Variants in GCA observed in about 807,000 individuals in gnomAD.
The protein encoded by GCA is grancalcin, also known as grancalcin, EF-hand calcium-binding protein.
A neutral mutation model predicts 32.6 loss-of-function variants in GCA; 30 were observed. The ratio of observed to expected loss-of-function variants is 0.92; its 90% CI spans 0.69 to 1.25. GCA has a LOEUF of 1.25. Ranked by LOEUF, GCA falls within the 50% of genes most tolerant of loss-of-function variation. GCA has a pLI of 0.00. For synonymous variants in GCA, 102 were observed against 84.6 expected, an observed-to-expected ratio of 1.21 and a Z score of -1.13; for missense variants, 291 against 266.8, an observed-to-expected ratio of 1.09 and a Z score of -0.63.
At chr2:162,343,648 G>A (rs1053452124), upstream of GCA, among the ~76,000 whole-genome samples, 2 of 152,192 alleles carry the variant, frequency 1.3e-5, no homozygotes, top group African/African-American at 4.8e-5. Context: ...TGGACCACAG[G>A]TGTGGTCCTG....
intron 3 of GCA, 130 bp from the exon 4 acceptor site, chr2:162,356,308 C>CT (rs1355812652): frequency 1.5e-6 from 1 of 650,760 alleles, no homozygotes; most frequent in African/African-American, 1.8e-5. Context: ...TCAATAATAG[C>CT]TTGTTGATTG....
At chr2:162,375,324 G>A (rs1047225579), downstream of GCA, among the ~76,000 whole-genome samples, 12 of 152,260 alleles carry the variant, frequency 7.9e-5, no homozygotes, top group Admixed American at 6.5e-4. Flanking sequence ...AAAAATTATC[G>A]TGATGTTTTT....
At chr2:162,335,886 T>C (rs1231920681) in intron 1 of GCA, among the ~76,000 whole-genome samples, 20 of 152,192 alleles carry the variant, frequency 1.3e-4, no homozygotes. Context: ...TAGAACCAAT[T>C]AACCTAGTCT....
At chr2:162,351,219 C>T (rs1684982355) in intron 2 of GCA, among the ~76,000 whole-genome samples, 1 of 152,188 alleles carries the variant, frequency 6.6e-6, no homozygotes, top group Admixed American at 6.5e-5. Flanking sequence ...TGTATGCACA[C>T]TGCTTCTACT....
Position 162,361,039 on chromosome 2 carries a change from A to G in GCA, c.*796A>G, listed in dbSNP as rs1331454573. 1.0e-6 allele frequency: 1 copy of G among 992,820 alleles called. No homozygotes were observed. The highest frequency in any genetic ancestry group is 1.2e-6 in the Non-Finnish European group (1 of 819,764). 61.5% of individuals were successfully genotyped at this position (992,820 alleles called of 1,614,324 possible). Reference sequence around the variant, plus strand: ...TGTTTTTGATGATATGTCAACATTCAAAATTGTCCTAATTAAATTGTTGTT... The same window carrying G: ...TGTTTTTGATGATATGTCAACATTCGAAATTGTCCTAATTAAATTGTTGTT... On this transcript the variant is annotated 3_prime_UTR_variant, in exon 8 of 8. Transcript: ENST00000437150.
intron 4 of GCA, among the ~76,000 whole-genome samples, chr2:162,368,633 G>A (rs1226398684): frequency 6.6e-6 from 1 of 151,928 alleles, no homozygotes; most frequent in Non-Finnish European, 1.5e-5. Context: ...CCCTCCAAAA[G>A]GACCTTGTAA....
In GCA at chr2:162,347,673, A is replaced by G. The variant is rs771928406; in HGVS notation, c.123A>G (p.Pro41=). 2 of 1,610,222 alleles carry G rather than the reference A, an allele frequency of 1.2e-6. No homozygotes were observed. Among genetic ancestry groups the G allele is most frequent in the South Asian group, 2.2e-5 (2 of 90,558 alleles). The change falls in exon 2 of 8, where the codon CCA becomes CCG. Residue 41 remains proline, a synonymous_variant. Transcript: ENST00000437150. ...TACTCCTCGATGGATACTCTGGGCC[A>G]GCATATTCAGACACTTATTCCTCAG... ...PAILLDGYSG[P]AYSDTYSSAG...
At chr2:162,325,372 C>G (rs1017441447) in intron 1 of GCA, among the ~76,000 whole-genome samples, 1 of 152,176 alleles carries the variant, frequency 6.6e-6, no homozygotes, top group African/African-American at 2.4e-5. Flanking sequence ...GGTCCTCTAA[C>G]ATACTGTCTG....
At chr2:162,326,308 C>T (rs1232407334) in intron 1 of GCA, among the ~76,000 whole-genome samples, 1 of 152,172 alleles carries the variant, frequency 6.6e-6, no homozygotes, top group African/African-American at 2.4e-5. Flanking sequence ...CTTCCAGAGG[C>T]CAAGCCAGTC....
chr2:162,371,701 T>C (rs1316768360), downstream of GCA: 21 of 936,432 alleles, frequency 2.2e-5, no homozygotes, highest in African/African-American at 3.3e-5. Flanking sequence ...TTTAGGAAAA[T>C]ATACAGTACT....
intron 1 of GCA, among the ~76,000 whole-genome samples, chr2:162,331,070 G>A (rs1016932463): frequency 1.3e-5 from 2 of 152,220 alleles, no homozygotes; most frequent in African/African-American, 2.4e-5. Context: ...GTGCTCAGGA[G>A]TATTAGACCG....
exon 5 of GCA, chr2:162,371,379 A>G: frequency 7.8e-7 from 1 of 1,287,416 alleles, no homozygotes; most frequent in South Asian, 1.2e-5. Flanking sequence ...AAAAGTGACT[A>G]AGTTCCCTTT....
chr2:162,341,267 TTATATATA>T (rs3052040), upstream of GCA, among the ~76,000 whole-genome samples: 1,174 of 116,240 alleles, frequency 0.01, 19 homozygotes, highest in African/African-American at 0.033. Context: ...CTTATTTATT[TTATATATA>T]TATATATATA....
downstream of GCA, chr2:162,372,040 G>A (rs149607273): frequency 6.8e-6 from 11 of 1,613,106 alleles, no homozygotes; most frequent in African/African-American, 1.3e-4. Flanking sequence ...CACCCCACTT[G>A]AAAGGGATTC....
At chr2:162,351,537 A>T (rs1205223529) in intron 2 of GCA, among the ~76,000 whole-genome samples, 1 of 152,200 alleles carries the variant, frequency 6.6e-6, no homozygotes, top group Non-Finnish European at 1.5e-5. Context: ...TTTGCCAAAA[A>T]TCCATTAGAA....
chr2:162,324,973 G>A (rs1052858880), intron 1 of GCA, among the ~76,000 whole-genome samples: 1 of 151,632 alleles, frequency 6.6e-6, no homozygotes, highest in Non-Finnish European at 1.5e-5. Context: ...ACCATTTGGA[G>A]TTTGATGGCT....
chr2:162,335,716 T>C (rs1375364565), intron 1 of GCA, among the ~76,000 whole-genome samples: 1 of 152,220 alleles, frequency 6.6e-6, no homozygotes, highest in East Asian at 1.9e-4. Context: ...GATCTTCTAA[T>C]AGGGAGTATC....
intron 1 of GCA, among the ~76,000 whole-genome samples, chr2:162,338,291 A>G (rs1381011446): frequency 6.6e-6 from 1 of 152,194 alleles, no homozygotes; most frequent in Non-Finnish European, 1.5e-5. Flanking sequence ...TAATGTGGAA[A>G]TGAGATGATC....
intron 2 of GCA, among the ~76,000 whole-genome samples, chr2:162,349,769 T>C (rs1012101621): frequency 6.6e-6 from 1 of 152,134 alleles, no homozygotes; most frequent in African/African-American, 2.4e-5. Context: ...GCAAAGAAAC[T>C]GGCAGAATGG....
Sources: gnomAD v4.1 joint callset for allele counts (sites outside exome capture counted in the v4.1 genomes callset) on GRCh38, gnomAD v4.1.1 for gene constraint, MANE v1.5 for transcripts, NCBI Gene and HGNC (gene_info 2026-07-23, HGNC 2026-07-21) for gene names.